GMPS: variants seen among roughly 807,000 people sequenced by gnomAD.
GMPS encodes guanosine monophosphate synthase.
GMPS carries 15 observed loss-of-function variants against 77.9 expected under a neutral mutation model. That is an observed-to-expected ratio of 0.19 (90% CI 0.13 to 0.30). The LOEUF (loss-of-function observed/expected upper bound fraction) is 0.30, where lower values mean the gene tolerates loss of function less well. Among genes scored for constraint, GMPS ranks in the 10% least tolerant of loss-of-function variants. The pLI, the probability that GMPS is intolerant of heterozygous loss-of-function variation, is 1.00. For missense variants in GMPS, 590 were observed against 838.8 expected, an observed-to-expected ratio of 0.70 and a Z score of 3.66; for synonymous variants, 224 against 275.9, an observed-to-expected ratio of 0.81 and a Z score of 1.86.
rs754465818 is a variant in GMPS, at chr3:155,922,228, T to A, written c.1360T>A (p.Tyr454Asn). ...CAGAGTAATATGTGCTGAAGAACCT[T>A]ATATTTGTAAGGACTTTCCTGAAAC... ...AIRVICAEEP[Y>N]ICKDFPETNN... Residue 454 changes from tyrosine (Y) to asparagine (N), a missense_variant, in exon 11 of 16, where the codon TAT (tyrosine) becomes AAT (asparagine). Coordinates refer to ENST00000496455, the MANE Select transcript of GMPS (RefSeq NM_003875.3). The A allele has an allele frequency of 1.9e-6, 3 of 1,570,024 alleles. No individual in the cohort carries two copies. The highest frequency in any genetic ancestry group is 2.6e-6 in the Non-Finnish European group (3 of 1,157,310).
chr3:155,891,933 T>C (rs1209157709), intron 1 of GMPS, among the ~76,000 whole-genome samples: 1 of 152,074 alleles, frequency 6.6e-6, no homozygotes, highest in Non-Finnish European at 1.5e-5. Flanking sequence ...GCAGACGGAA[T>C]AGTGGTGTTG....
chr3:155,915,300 C>T (rs1271955894), intron 8 of GMPS, among the ~76,000 whole-genome samples: 2 of 146,310 alleles, frequency 1.4e-5, no homozygotes, highest in Non-Finnish European at 3.0e-5. Context: ...TACAATGGAG[C>T]GATCTTGGCT....
Position 155,914,476 on chromosome 3 carries a change from A to C in GMPS, c.944A>C (p.Glu315Ala). 1 of 1,603,952 alleles carries C rather than the reference A, an allele frequency of 6.2e-7. No homozygotes were observed. The change falls in exon 8 of 16, where the codon GAA becomes GCA. Residue 315 changes from glutamate (E) to alanine (A), a missense_variant. By Grantham distance (107) the Glu-to-Ala change is moderately radical. Coordinates refer to ENST00000496455, the MANE Select transcript of GMPS (RefSeq NM_003875.3). The stretch of plus-strand genomic sequence containing the variant: ...ACAACAACCCTACCAATATCAGATG[A>C]AGATAGAACCCCACGGAAAAGAATT... ...NGTTTLPISD[E>A]DRTPRKRISK... is the part of the protein sequence containing the mutation.
Position 155,941,843 on chromosome 3 carries a change from T to C in GMPS, c.*4151T>C, listed in dbSNP as rs1755899567. ...GTGGCATTGTTGACTCTTAAATTTC[T>C]GAACGTTTCACTTAATGGCAAGTGA... On this transcript the variant is annotated 3_prime_UTR_variant, in exon 16 of 16. Coordinates refer to ENST00000496455, the MANE Select transcript of GMPS (RefSeq NM_003875.3). 3 of 214,434 alleles carry C rather than the reference T, an allele frequency of 1.4e-5. No homozygotes were observed. The highest frequency in any genetic ancestry group is 2.8e-5 in the Non-Finnish European group (3 of 106,336). The allele number at this position is 214,434 out of a possible 1,614,324, so 13.3% of individuals were successfully genotyped here.
intron 4 of GMPS, among the ~76,000 whole-genome samples, chr3:155,904,359 A>G (rs1243387291): frequency 2.0e-5 from 3 of 149,878 alleles, no homozygotes; most frequent in African/African-American, 4.9e-5. Flanking sequence ...GCACCATCTC[A>G]GCTCACTGCA....
At chr3:155,890,804 C>T (rs559727230) in intron 1 of GMPS, among the ~76,000 whole-genome samples, 1 of 152,332 alleles carries the variant, frequency 6.6e-6, no homozygotes, top group African/African-American at 2.4e-5. Flanking sequence ...CCCTGTCAGC[C>T]TTGCCACAGT....
intron 13 of GMPS, among the ~76,000 whole-genome samples, chr3:155,932,915 G>C (rs566153427): frequency 1.3e-5 from 2 of 152,358 alleles, no homozygotes; most frequent in African/African-American, 4.8e-5. Context: ...ATGGGGGCCA[G>C]GCATGGTGGC....
chr3:155,936,404 T>C lies in GMPS; in HGVS notation c.1874T>C (p.Leu625Pro), dbSNP rs769173664. The C allele has an allele frequency of 6.2e-7, 1 of 1,609,318 alleles. No individual in the cohort carries two copies. Among genetic ancestry groups the C allele is most frequent in the Non-Finnish European group, 8.5e-7 (1 of 1,176,170 alleles). Residue 625 changes from leucine to proline, a missense_variant, in exon 15 of 16, where the codon CTT becomes CCT. Transcript: ENST00000496455. The part of the protein sequence containing the change: ...LTPLHFDRDP[L>P]QKQPSCQRSV... Reference sequence around the variant, plus strand: ...CCATTACATTTTGATCGGGACCCACTTCAAAAGCAGCCTTCATGCCAGAGA... The same window carrying C: ...CCATTACATTTTGATCGGGACCCACCTCAAAAGCAGCCTTCATGCCAGAGA...
At chr3:155,928,624 GCAC>G (rs1755516688) in intron 12 of GMPS, among the ~76,000 whole-genome samples, 1 of 150,176 alleles carries the variant, frequency 6.7e-6, no homozygotes, top group Non-Finnish European at 1.5e-5. Context: ...CCATGCTGGT[GCAC>G]CGCACCCACT....
intron 5 of GMPS, among the ~76,000 whole-genome samples, chr3:155,908,434 C>T (rs1202672427): frequency 1.3e-5 from 2 of 152,196 alleles, no homozygotes; most frequent in Non-Finnish European, 2.9e-5. Context: ...TCCCCCTTAC[C>T]CTTCAAAGTG....
chr3:155,876,079 G>A (rs1399278407), intron 1 of GMPS, among the ~76,000 whole-genome samples: 1 of 152,198 alleles, frequency 6.6e-6, no homozygotes, highest in Non-Finnish European at 1.5e-5. Context: ...CAAAACTCCT[G>A]TGGCAAGAGT....
chr3:155,887,533 TGAG>T (rs1754365379), intron 1 of GMPS, among the ~76,000 whole-genome samples: 1 of 151,988 alleles, frequency 6.6e-6, no homozygotes, highest in Non-Finnish European at 1.5e-5. Context: ...TATAAAAAGG[TGAG>T]GAGGTGAATA....
At chr3:155,912,139 A>G (rs1755056854) in intron 7 of GMPS, among the ~76,000 whole-genome samples, 2 of 152,212 alleles carry the variant, frequency 1.3e-5, no homozygotes, top group African/African-American at 4.8e-5. Context: ...CATATTATGG[A>G]ATTAATTGGA....
intron 12 of GMPS, among the ~76,000 whole-genome samples, chr3:155,927,734 G>A (rs1314720122): frequency 6.6e-6 from 1 of 152,070 alleles, no homozygotes; most frequent in South Asian, 2.1e-4. Context: ...GTTAAGTTTT[G>A]TATGTGTCTT....
chr3:155,941,668 T>TG lies in GMPS; in HGVS notation c.*3980dup, dbSNP rs1755896053. 1 of 222,668 alleles carries TG rather than the reference T, an allele frequency of 4.5e-6. No homozygotes were observed. Among genetic ancestry groups the TG allele is most frequent in the Admixed American group, 5.8e-5 (1 of 17,370 alleles). The allele number at this position is 222,668 out of a possible 1,614,324, so 13.8% of individuals were successfully genotyped here. On this transcript the variant is annotated 3_prime_UTR_variant, in exon 16 of 16. Transcript: ENST00000496455. The stretch of plus-strand genomic sequence containing the variant: ...TCATTGACCCAAATCCAGAATGTAA[T>TG]GGGGAACTGAATACAAGTTGGATGT...
At chr3:155,908,098 A>G (rs62286848) in intron 5 of GMPS, among the ~76,000 whole-genome samples, 8,294 of 152,320 alleles carry the variant, frequency 0.054, 317 homozygotes, top group East Asian at 0.18. Context: ...AGGAGAAAAG[A>G]TACAGGGTGA....
chr3:155,880,455 G>A lies in GMPS; in HGVS notation c.27+9558G>A, dbSNP rs181195558. ...TAGTGTCAGTTTGTGGAGAGAGGTGGTAGTTTAAAAAACTCACTAATAGGT... is the reference window on the plus strand; with the variant it reads ...TAGTGTCAGTTTGTGGAGAGAGGTGATAGTTTAAAAAACTCACTAATAGGT... On this transcript the variant is annotated intron_variant, in intron 1 of 15. Coordinates refer to ENST00000496455, the MANE Select transcript of GMPS (RefSeq NM_003875.3). Among the ~76,000 whole-genome samples, 357 of 152,194 alleles carry A rather than the reference G, an allele frequency of 2.3e-3. 1 individual carries two copies. The highest frequency in any genetic ancestry group is 8.4e-3 in the African/African-American group (349 of 41,518).
intron 1 of GMPS, among the ~76,000 whole-genome samples, chr3:155,881,633 A>G (rs955999354): frequency 6.6e-6 from 1 of 152,198 alleles, no homozygotes; most frequent in Non-Finnish European, 1.5e-5. Context: ...TACAAACATA[A>G]GCACTTATTT....
chr3:155,907,333 C>T (rs1345340351), intron 5 of GMPS, among the ~76,000 whole-genome samples: 1 of 152,094 alleles, frequency 6.6e-6, no homozygotes, highest in Non-Finnish European at 1.5e-5. Flanking sequence ...ACCTATAATT[C>T]CAGCACCTTG....
Sources: allele counts gnomAD v4.1 joint callset (sites outside exome capture counted in the v4.1 genomes callset), GRCh38; gene constraint gnomAD v4.1.1; transcripts MANE v1.5; gene names NCBI Gene and HGNC (gene_info 2026-07-23, HGNC 2026-07-21).